The following STXBP2 variants were observed in gnomAD, a reference collection of about 807,000 sequenced individuals.
STXBP2 encodes syntaxin-binding protein 2.
In STXBP2, 47 loss-of-function variants were observed where a neutral mutation model predicts 72.2. That is an observed-to-expected ratio of 0.65 (90% confidence interval 0.51 to 0.83). The LOEUF (loss-of-function observed/expected upper bound fraction) is 0.83, where lower values mean the gene tolerates loss of function less well. STXBP2 is among the 40% of genes least tolerant of loss of function. The probability of loss-of-function intolerance (pLI) is 0.00; values close to 1 mark genes in which losing one functional copy is unlikely to be tolerated. For missense variants in STXBP2, 702 were observed against 807.6 expected, an observed-to-expected ratio of 0.87 and a Z score of 1.58; for synonymous variants, 367 against 338.7, an observed-to-expected ratio of 1.08 and a Z score of -0.92.
At chr19:7,643,099 G>C in intron 12 of STXBP2, 51 bp downstream of exon 12, 1 of 1,614,022 alleles carries the variant, frequency 6.2e-7, no homozygotes, top group Non-Finnish European at 8.5e-7. Flanking sequence ...TCAACCCCAT[G>C]CTCTGTCTGC....
At chr19:7,631,235 T>C in the STXBP2 span, 6 of 1,405,744 alleles carry the variant, frequency 4.3e-6, no homozygotes, top group Admixed American at 3.1e-5. Flanking sequence ...CTCTCAGCCA[T>C]GAGTAAGGAA....
At chr19:7,634,686 A>G (rs1416617733), upstream of STXBP2, among the ~76,000 whole-genome samples, 2 of 152,086 alleles carry the variant, frequency 1.3e-5, no homozygotes, top group South Asian at 2.1e-4. Context: ...ATTTTTTTTT[A>G]ACAAATTTAT....
chr19:7,631,470 T>C, the STXBP2 span: 1 of 1,531,306 alleles, frequency 6.5e-7, no homozygotes. Context: ...TCTCCACCCC[T>C]AGCTTCAAGA....
upstream of STXBP2, chr19:7,636,279 C>T (rs1424823101): frequency 6.6e-6 from 1 of 152,154 alleles, no homozygotes; most frequent in Non-Finnish European, 1.5e-5. Flanking sequence ...CACCTTAAAT[C>T]GGAGACCTCA....
Position 7,637,159 on chromosome 19 carries a change from T to G in STXBP2, c.10T>G (p.Ser4Ala). The G allele has an allele frequency of 4.0e-6, 5 of 1,241,628 alleles. No homozygotes were observed. The highest frequency in any genetic ancestry group is 4.0e-6 in the Non-Finnish European group (4 of 988,192). 76.9% of individuals were successfully genotyped at this position (1,241,628 alleles called of 1,614,324 possible). The change falls in exon 1 of 19, where the codon TCG becomes GCG. Residue 4 changes from serine (S) to alanine (A), a missense_variant. Ser to Ala is a moderately conservative substitution (Grantham distance 99). Transcript: ENST00000221283. ...GCGCCCCTCGGGGAAGATGGCGCCC[T>G]CGGGGCTGAAGGCGGTGGTGGGGGA... is the stretch of plus-strand genomic sequence containing the variant. MAP[S>A]GLKAVVGEKI... is the part of the protein sequence containing the mutation.
upstream of STXBP2, chr19:7,633,002 G>C (rs2031395057): frequency 1.5e-6 from 2 of 1,360,112 alleles, no homozygotes; most frequent in South Asian, 3.1e-5. Context: ...TGAGACATGA[G>C]TCTCCTTCCC....
Position 7,647,818 on chromosome 19 carries a change from C to A in STXBP2, c.*8C>A, listed in dbSNP as rs2032198654. The A allele has an allele frequency of 1.2e-6, 2 of 1,605,168 alleles. No individual in the cohort carries two copies. Among genetic ancestry groups the A allele is most frequent in the East Asian group, 2.3e-5 (1 of 44,344 alleles). On this transcript the variant is annotated 3_prime_UTR_variant, in exon 19 of 19. Coordinates refer to ENST00000221283, the MANE Select transcript of STXBP2 (RefSeq NM_006949.4). ...GACATTGCCCTGCCCTGACCCCTGG[C>A]CCCGCCCCCTACCCCTCCCTTTCCA...
At position 7,646,352 on chromosome 19, in the gene STXBP2, G is replaced by A. The variant is rs1206831715; in HGVS notation, c.1452+8G>A. On this transcript the variant is annotated splice_region_variant and intron_variant, in intron 16 of 18. Coordinates refer to ENST00000221283, the MANE Select transcript of STXBP2 (RefSeq NM_006949.4). ...ATCAAGGATGTAATGGAGGTACTGG[G>A]TGGCAGGTCAGGGTGGGGGCCAGCC... The A allele has an allele frequency of 3.1e-6, 5 of 1,598,200 alleles. No homozygotes were observed. The highest frequency in any genetic ancestry group is 4.3e-6 in the Non-Finnish European group (5 of 1,173,376).
chr19:7,630,380 G>C, the STXBP2 span: 3,327 of 595,104 alleles, frequency 5.6e-3, 76 homozygotes, highest in African/African-American at 0.052. Context: ...TTTCAGGAAT[G>C]AGGCCTCCTG....
chr19:7,641,775 G>T lies in STXBP2; in HGVS notation c.500G>T (p.Arg167Leu). Residue 167 changes from arginine to leucine, a missense_variant, in exon 7 of 19, where the codon CGG becomes CTG. By Grantham distance (102) the Arg-to-Leu change is moderately radical. Transcript: ENST00000221283. ...YCPFRAEERT[R>L]QLEVLAQQIA... ...CCCTTCCGGGCAGAGGAGCGCACGC[G>T]GCAGCTCGAGGTGCTGGCCCAGCAG... 1 of 1,551,682 alleles carries T rather than the reference G, an allele frequency of 6.4e-7. No homozygotes were observed. Among genetic ancestry groups the T allele is most frequent in the African/African-American group, 1.4e-5 (1 of 73,182 alleles).
intron 15 of STXBP2, 178 bp from the exon 16 acceptor site, chr19:7,646,071 C>G (rs1358362990): frequency 1.6e-6 from 1 of 619,320 alleles, no homozygotes; most frequent in Non-Finnish European, 2.9e-6. Context: ...CCGTCTCTCT[C>G]TGGCTCACTG....
chr19:7,647,713 G>A lies in STXBP2; in HGVS notation c.1697-12G>A, dbSNP rs756697922. 3.1e-6 allele frequency: 5 copies of A among 1,613,866 alleles called. No individual in the cohort carries two copies. Among genetic ancestry groups the A allele is most frequent in the Non-Finnish European group, 4.2e-6 (5 of 1,179,878 alleles). ...CCCCCAACATCTTCCCCAAACCTCT[G>A]CCCCTGCACAGGCTCCTCACACATC... On this transcript the variant is annotated splice_polypyrimidine_tract_variant and intron_variant, in intron 18 of 18. Coordinates refer to ENST00000221283, the MANE Select transcript of STXBP2 (RefSeq NM_006949.4).
chr19:7,643,528 G>A (rs1328380947), intron 13 of STXBP2, among the ~76,000 whole-genome samples: 1 of 151,600 alleles, frequency 6.6e-6, no homozygotes, highest in Admixed American at 6.6e-5. Flanking sequence ...CAGGAATGTG[G>A]CCTATTCATA....
In STXBP2 at chr19:7,646,335, T is replaced by C. The variant is rs10001; in HGVS notation, c.1443T>C (p.Asp481=). ...CCCGCTGGACCCCGGTCATCAAGGA[T>C]GTAATGGAGGTACTGGGTGGCAGGT... The part of the protein sequence containing the change: ...QLSRWTPVIK[D]VMEDAVEDRL... The change falls in exon 16 of 19, where the codon GAT becomes GAC. Residue 481 remains aspartate, a synonymous_variant. Coordinates refer to ENST00000221283, the MANE Select transcript of STXBP2 (RefSeq NM_006949.4). 624,736 of 1,605,256 alleles carry C rather than the reference T, an allele frequency of 0.39. 125,924 individuals are homozygous for C. The highest frequency in any genetic ancestry group is 0.72 in the East Asian group (31,946 of 44,504).
Position 7,645,238 on chromosome 19 carries a change from A to G in STXBP2, c.1288A>G (p.Asn430Asp), listed in dbSNP as rs1477413161. Residue 430 changes from asparagine (N) to aspartate (D), a missense_variant, in exon 15 of 19, where the codon AAT becomes GAT. Transcript: ENST00000221283. ...ENLAKLIQHANVQAHSSLIRN... is the reference protein window; with the variant it reads ...ENLAKLIQHADVQAHSSLIRN... ...CCTGGCCAAGCTGATCCAGCATGCCAATGTACAGGCGCACAGCAGCCTCAT... is the reference window on the plus strand; with the variant it reads ...CCTGGCCAAGCTGATCCAGCATGCCGATGTACAGGCGCACAGCAGCCTCAT... 6.3e-7 allele frequency: 1 copy of G among 1,578,802 alleles called. No homozygotes were observed. Among genetic ancestry groups the G allele is most frequent in the South Asian group, 1.2e-5 (1 of 86,498 alleles).
At chr19:7,647,653 C>T (rs565596155) in intron 18 of STXBP2, 72 bp from the exon 19 acceptor site, 64 of 1,601,102 alleles carry the variant, frequency 4.0e-5, no homozygotes, top group Admixed American at 3.5e-4. Flanking sequence ...CCACACCAGC[C>T]GGGACCGGGA....
chr19:7,634,936 A>T (rs1488075049), upstream of STXBP2, among the ~76,000 whole-genome samples: 1 of 152,154 alleles, frequency 6.6e-6, no homozygotes, highest in African/African-American at 2.4e-5. Flanking sequence ...CCAACCACCT[A>T]CACAGAACCA....
At chr19:7,644,548 G>A (rs903944034) in intron 13 of STXBP2, 66 bp from the exon 14 acceptor site, 1 of 1,596,980 alleles carries the variant, frequency 6.3e-7, no homozygotes, top group African/African-American at 1.3e-5. Flanking sequence ...GATGTCCTTG[G>A]CCCGCCTCTC....
Position 7,647,810 on chromosome 19 carries a change from ACCCCTGGCCCCGC to A in STXBP2, c.*6_*18del, listed in dbSNP as rs775584719. The A allele has an allele frequency of 6.2e-7, 1 of 1,612,544 alleles. No individual in the cohort carries two copies. The highest frequency in any genetic ancestry group is 1.1e-5 in the South Asian group (1 of 91,008). ...AGCTGGAGGACATTGCCCTGCCCTG[ACCCCTGGCCCCGC>A]CCCCTACCCCTCCCTTTCCAGAGAA... On this transcript the variant is annotated 3_prime_UTR_variant, in exon 19 of 19. Transcript: ENST00000221283.
Sources: allele counts gnomAD v4.1 joint callset (sites outside exome capture counted in the v4.1 genomes callset), GRCh38; gene constraint gnomAD v4.1.1; transcripts MANE v1.5; gene names NCBI Gene and HGNC (gene_info 2026-07-23, HGNC 2026-07-21).